The following CTNNA3 variants were observed in gnomAD, a reference collection of about 807,000 sequenced individuals.
CTNNA3 encodes the protein catenin alpha 3, also known as catenin alpha-3.
In CTNNA3, 76 loss-of-function variants were observed where a neutral mutation model predicts 95.7. The observed-to-expected ratio is 0.79, with a 90% CI of 0.66 to 0.96. The LOEUF (loss-of-function observed/expected upper bound fraction) is 0.96, where lower values mean the gene tolerates loss of function less well. Among genes scored for constraint, CTNNA3 ranks in the 40% least tolerant of loss-of-function variants. CTNNA3 has a pLI of 0.00. For synonymous variants in CTNNA3, 431 were observed against 374.4 expected (o/e 1.15, Z -1.74); for missense variants, 1,191 against 1,089.8 (o/e 1.09, Z -1.31).
At chr10:67,283,407 G>A (rs907916696) in intron 5 of CTNNA3, among the ~76,000 whole-genome samples, 4 of 152,166 alleles carry the variant, frequency 2.6e-5, no homozygotes, top group Non-Finnish European at 5.9e-5. Flanking sequence ...CAAAATGGCA[G>A]ATGACCTTCC....
intron 7 of CTNNA3, among the ~76,000 whole-genome samples, chr10:67,082,064 C>T (rs1857085110): frequency 6.6e-6 from 1 of 152,072 alleles, no homozygotes; most frequent in African/African-American, 2.4e-5. Context: ...AAGCTGGACC[C>T]AAAGTTGATT....
intron 9 of CTNNA3, among the ~76,000 whole-genome samples, chr10:66,754,781 GGC>G (rs1423693374): frequency 3.9e-5 from 6 of 152,124 alleles, no homozygotes; most frequent in Admixed American, 6.6e-5. Context: ...CCACGATGAT[GGC>G]TATAATCAAA....
At chr10:66,189,132 T>G (rs1202182717) in intron 13 of CTNNA3, among the ~76,000 whole-genome samples, 1 of 152,118 alleles carries the variant, frequency 6.6e-6, no homozygotes, top group Non-Finnish European at 1.5e-5. Context: ...TAACACCCAA[T>G]TAGATATATG....
chr10:67,233,805 T>A (rs565943353), intron 5 of CTNNA3, among the ~76,000 whole-genome samples: 5 of 151,442 alleles, frequency 3.3e-5, no homozygotes, highest in Admixed American at 3.3e-4. Context: ...ATCAAATAGA[T>A]GCAATAAAAA....
At chr10:66,441,477 A>C (rs2131787843) in intron 11 of CTNNA3, among the ~76,000 whole-genome samples, 2 of 152,348 alleles carry the variant, frequency 1.3e-5, no homozygotes, top group South Asian at 4.1e-4. Context: ...TTTTGAAATT[A>C]GCCTTGCAAA....
chr10:66,515,345 C>T (rs7091178), intron 11 of CTNNA3, among the ~76,000 whole-genome samples: 1 of 148,894 alleles, frequency 6.7e-6, no homozygotes, highest in Non-Finnish European at 1.5e-5. Context: ...CTCTCTCTCT[C>T]TATATATATA....
At chr10:66,600,402 C>A (rs186499659) in intron 10 of CTNNA3, among the ~76,000 whole-genome samples, 1 of 151,768 alleles carries the variant, frequency 6.6e-6, no homozygotes, top group East Asian at 1.9e-4. Flanking sequence ...TGCTCTAATA[C>A]CTTGAAATAT....
chr10:66,628,713 T>C (rs1489199253), intron 9 of CTNNA3, among the ~76,000 whole-genome samples: 2 of 152,076 alleles, frequency 1.3e-5, no homozygotes, highest in African/African-American at 4.8e-5. Context: ...TTGGACACAG[T>C]AGTAAGTAGC....
At chr10:66,990,070 G>A (rs966770941) in intron 7 of CTNNA3, among the ~76,000 whole-genome samples, 2 of 152,164 alleles carry the variant, frequency 1.3e-5, no homozygotes, top group Non-Finnish European at 2.9e-5. Context: ...ATCTCACTAT[G>A]AGATGGGTTG....
At chr10:66,896,160 A>C (rs1211393286) in intron 7 of CTNNA3, among the ~76,000 whole-genome samples, 1 of 152,156 alleles carries the variant, frequency 6.6e-6, no homozygotes, top group Non-Finnish European at 1.5e-5. Flanking sequence ...AATAGGAACA[A>C]GTTTAGCACA....
At chr10:67,339,163 G>A (rs1308910430) in intron 5 of CTNNA3, among the ~76,000 whole-genome samples, 1 of 152,142 alleles carries the variant, frequency 6.6e-6, no homozygotes, top group African/African-American at 2.4e-5. Context: ...TGGGCTTCTT[G>A]CAATCACTCA....
intron 5 of CTNNA3, among the ~76,000 whole-genome samples, chr10:67,344,752 C>A (rs1232648151): frequency 6.6e-6 from 1 of 151,734 alleles, no homozygotes; most frequent in African/African-American, 2.4e-5. Flanking sequence ...TCTTACTCTG[C>A]CTAAAGGTTT....
intron 5 of CTNNA3, among the ~76,000 whole-genome samples, chr10:67,274,688 G>C (rs995091671): frequency 3.9e-5 from 6 of 152,006 alleles, no homozygotes; most frequent in African/African-American, 1.4e-4. Flanking sequence ...AATTAGCTGA[G>C]CACAGTGGTG....
chr10:67,660,096 T>G (rs1840135975), intron 1 of CTNNA3, among the ~76,000 whole-genome samples: 1 of 152,232 alleles, frequency 6.6e-6, no homozygotes, highest in South Asian at 2.1e-4. Context: ...CTGTGTCTCC[T>G]AGTTTTCCAT....
rs199955565 is a variant in CTNNA3 at position 66,131,110 on chromosome 10, C to G, written c.1885-27861G>C. 1.1e-4 allele frequency among the ~76,000 whole-genome samples: 17 copies of G among 149,770 alleles called. No homozygotes were observed. The East Asian group carries it at 3.3e-3, about 29-fold the overall frequency. On this transcript the variant is annotated intron_variant, in intron 13 of 17. Transcript: ENST00000433211. ...AGAAGAAGAAAAGCCCTGGACCAGA[C>G]GGATTCATAGCTGAATTCTACCAGA...
At chr10:67,551,509 C>A (rs919915249) in intron 3 of CTNNA3, among the ~76,000 whole-genome samples, 2 of 152,186 alleles carry the variant, frequency 1.3e-5, no homozygotes, top group South Asian at 2.1e-4. Context: ...ATACAAAAAG[C>A]CCTGTCCTTG....
chr10:67,505,915 G>GA (rs1230167602), intron 5 of CTNNA3, among the ~76,000 whole-genome samples: 20 of 151,996 alleles, frequency 1.3e-4, no homozygotes, highest in Admixed American at 1.1e-3. Flanking sequence ...AACTAAAATA[G>GA]AAAAAAATGA....
intron 7 of CTNNA3, among the ~76,000 whole-genome samples, chr10:66,932,959 C>T (rs1004089961): frequency 6.6e-6 from 1 of 152,212 alleles, no homozygotes; most frequent in East Asian, 1.9e-4. Context: ...CAAGTCATCA[C>T]AGGTACATTT....
chr10:66,763,484 A>AT (rs1839704130), intron 9 of CTNNA3, among the ~76,000 whole-genome samples: 1 of 151,210 alleles, frequency 6.6e-6, no homozygotes, highest in South Asian at 2.1e-4. Flanking sequence ...TTGAAAAAAA[A>AT]ATTGTTACAT....
Sources: allele counts gnomAD v4.1 joint callset (sites outside exome capture counted in the v4.1 genomes callset), GRCh38; gene constraint gnomAD v4.1.1; transcripts MANE v1.5; gene names NCBI Gene and HGNC (gene_info 2026-07-23, HGNC 2026-07-21).